LRBA: variants seen among roughly 807,000 people sequenced by gnomAD.
LRBA encodes the protein lipopolysaccharide-responsive and beige-like anchor protein.
A neutral mutation model predicts 330.0 loss-of-function variants in LRBA; 176 were observed. The ratio of observed to expected loss-of-function variants is 0.53; its 90% confidence interval spans 0.47 to 0.60. The LOEUF (loss-of-function observed/expected upper bound fraction) is 0.60, where lower values mean the gene tolerates loss of function less well. Among genes scored for constraint, LRBA ranks in the 20% least tolerant of loss-of-function variants. LRBA has a pLI of 0.00. For missense variants in LRBA, 3,259 were observed against 3,444.8 expected (o/e 0.95, Z 1.35); for synonymous variants, 1,230 against 1,193.0 (o/e 1.03, Z -0.64).
At chr4:150,672,055 G>A (rs1782108715) in intron 37 of LRBA, among the ~76,000 whole-genome samples, 1 of 152,074 alleles carries the variant, frequency 6.6e-6, no homozygotes, top group African/African-American at 2.4e-5. Context: ...CAATTTCTAG[G>A]AATGCTCATT....
At chr4:150,617,133 G>A (rs1775842270) in intron 37 of LRBA, among the ~76,000 whole-genome samples, 1 of 152,004 alleles carries the variant, frequency 6.6e-6, no homozygotes, top group African/African-American at 2.4e-5. Flanking sequence ...AGAAAAAATG[G>A]TTCCTGAAAA....
intron 33 of LRBA, among the ~76,000 whole-genome samples, chr4:150,798,360 A>C (rs1032636225): frequency 6.6e-6 from 1 of 152,202 alleles, no homozygotes; most frequent in African/African-American, 2.4e-5. Context: ...CAAAATACTA[A>C]AACATTTATT....
chr4:150,534,526 C>T (rs1032488898), intron 40 of LRBA, among the ~76,000 whole-genome samples: 6 of 151,888 alleles, frequency 4.0e-5, no homozygotes, highest in Non-Finnish European at 8.8e-5. Flanking sequence ...GTCATAGTTA[C>T]ATTATGTTCT....
At chr4:150,560,388 A>C (rs1010158036) in intron 40 of LRBA, among the ~76,000 whole-genome samples, 4 of 152,160 alleles carry the variant, frequency 2.6e-5, no homozygotes, top group Admixed American at 1.3e-4. Flanking sequence ...AGCCAACATT[A>C]GTGAAATATG....
chr4:150,592,742 C>G (rs1396676541), intron 38 of LRBA, among the ~76,000 whole-genome samples: 1 of 152,194 alleles, frequency 6.6e-6, no homozygotes, highest in African/African-American at 2.4e-5. Flanking sequence ...ATCCTCCCAG[C>G]TCAGCCTCCC....
chr4:150,987,029 T>C (rs1430435877), intron 2 of LRBA, among the ~76,000 whole-genome samples: 1 of 152,210 alleles, frequency 6.6e-6, no homozygotes, highest in African/African-American at 2.4e-5. Context: ...AGAGTCAAAA[T>C]TTGACATGTC....
At chr4:150,304,539 CAAGT>C (rs1730111162) in intron 52 of LRBA, among the ~76,000 whole-genome samples, 1 of 152,024 alleles carries the variant, frequency 6.6e-6, no homozygotes, top group Non-Finnish European at 1.5e-5. Flanking sequence ...GACTTCAAAG[CAAGT>C]GTCTCTAGCT....
chr4:150,616,802 G>GT (rs1209073294), intron 37 of LRBA, among the ~76,000 whole-genome samples: 2 of 152,078 alleles, frequency 1.3e-5, no homozygotes, highest in Non-Finnish European at 1.5e-5. Context: ...ATTTGGGGGG[G>GT]AAAGCATGAA....
chr4:150,815,790 T>C (rs188037525), intron 31 of LRBA, among the ~76,000 whole-genome samples: 19 of 152,048 alleles, frequency 1.2e-4, no homozygotes, highest in Admixed American at 1.2e-3. Context: ...TACACTTTCT[T>C]GCTTTTACCA....
At chr4:150,309,651 C>T (rs1034422248) in intron 52 of LRBA, among the ~76,000 whole-genome samples, 1 of 151,968 alleles carries the variant, frequency 6.6e-6, no homozygotes, top group Admixed American at 6.6e-5. Context: ...TTGGTTTGTC[C>T]CTTAGGGAGA....
chr4:150,521,530 C>T (rs1283080015), intron 40 of LRBA, among the ~76,000 whole-genome samples: 1 of 152,170 alleles, frequency 6.6e-6, no homozygotes, highest in Non-Finnish European at 1.5e-5. Context: ...GCTGGGATTA[C>T]AAGCATGAGC....
Position 150,689,016 on chromosome 4 carries a change from T to C in LRBA, c.5755-5299A>G, listed in dbSNP as rs974004685. Among the ~76,000 whole-genome samples the C allele has an allele frequency of 4.6e-5, 7 of 152,166 alleles. No homozygotes were observed. In the East Asian group the frequency reaches 1.3e-3, roughly 29 times the overall value. ...TATAAAGACACATACACAGGTATGT[T>C]TACTGCGGCACTATACACAACAGCA... On this transcript the variant is annotated intron_variant, in intron 36 of 56. Transcript: ENST00000651943.
intron 24 of LRBA, 86 bp from the exon 25 acceptor site, chr4:150,849,661 G>A (rs911326298): frequency 5.6e-6 from 6 of 1,079,214 alleles, no homozygotes; most frequent in Non-Finnish European, 8.3e-6. Flanking sequence ...AGATAAGAAG[G>A]TGCTTTTGCT....
chr4:150,947,491 G>C (rs571302456), intron 2 of LRBA, among the ~76,000 whole-genome samples: 1 of 152,046 alleles, frequency 6.6e-6, no homozygotes, highest in South Asian at 2.1e-4. Context: ...TAACACTATT[G>C]AGGATAAAAA....
chr4:150,386,538 T>C (rs1026746973), intron 47 of LRBA, among the ~76,000 whole-genome samples: 1 of 151,276 alleles, frequency 6.6e-6, no homozygotes, highest in African/African-American at 2.4e-5. Flanking sequence ...TCTTCCTGCA[T>C]TAGTTTGCTG....
intron 41 of LRBA, among the ~76,000 whole-genome samples, chr4:150,489,048 T>G (rs1252342609): frequency 9.0e-6 from 1 of 110,590 alleles, no homozygotes; most frequent in African/African-American, 3.9e-5. Context: ...TATAATATAT[T>G]ATATATAAGA....
chr4:150,530,911 G>C (rs1480298655), intron 40 of LRBA, among the ~76,000 whole-genome samples: 2 of 152,140 alleles, frequency 1.3e-5, no homozygotes, highest in Non-Finnish European at 2.9e-5. Flanking sequence ...TTGTGTCTGT[G>C]ATCTCACCAC....
intron 16 of LRBA, among the ~76,000 whole-genome samples, chr4:150,895,830 C>G (rs1306652887): frequency 1.3e-5 from 2 of 152,138 alleles, no homozygotes; most frequent in Non-Finnish European, 2.9e-5. Flanking sequence ...AATGGTATTT[C>G]TAGTTCTAGA....
At chr4:150,549,242 T>C (rs1452194895) in intron 40 of LRBA, among the ~76,000 whole-genome samples, 3 of 152,024 alleles carry the variant, frequency 2.0e-5, no homozygotes, top group Non-Finnish European at 4.4e-5. Context: ...ATTTTTTAGT[T>C]CGTACTGATT....
Sources: gnomAD v4.1 joint callset for allele counts (sites outside exome capture counted in the v4.1 genomes callset) on GRCh38, gnomAD v4.1.1 for gene constraint, MANE v1.5 for transcripts, NCBI Gene and HGNC (gene_info 2026-07-23, HGNC 2026-07-21) for gene names.